The following SIAH3 variants were observed in gnomAD, a reference collection of about 807,000 sequenced individuals.
SIAH3 encodes the protein seven in absentia homolog 3.
Under a neutral mutation model 12.6 loss-of-function variants are expected in SIAH3, and 9 were observed. That is an observed-to-expected ratio of 0.72 (90% confidence interval 0.43 to 1.25). SIAH3 has a LOEUF of 1.25. Among genes scored for constraint, SIAH3 ranks in the 50% most tolerant of loss-of-function variants. The probability of loss-of-function intolerance (pLI) is 0.00; values close to 1 mark genes in which losing one functional copy is unlikely to be tolerated. For synonymous variants in SIAH3, 154 were observed against 151.1 expected, an observed-to-expected ratio of 1.02 and a Z score of -0.14; for missense variants, 390 against 365.4, an observed-to-expected ratio of 1.07 and a Z score of -0.55.
chr13:45,848,751 C>T (rs1270349239), intron 1 of SIAH3, among the ~76,000 whole-genome samples: 2 of 152,176 alleles, frequency 1.3e-5, no homozygotes, highest in African/African-American at 2.4e-5. Flanking sequence ...CTACACGCAA[C>T]CCATAAAATT....
At chr13:45,785,408 G>C (rs1950524675) in intron 1 of SIAH3, among the ~76,000 whole-genome samples, 1 of 152,206 alleles carries the variant, frequency 6.6e-6, no homozygotes, top group African/African-American at 2.4e-5. Context: ...CCAAAGTACA[G>C]AGGGCAGGGG....
intron 1 of SIAH3, among the ~76,000 whole-genome samples, chr13:45,785,111 G>A (rs528663561): frequency 1.3e-5 from 2 of 152,190 alleles, no homozygotes; most frequent in African/African-American, 2.4e-5. Flanking sequence ...TCATCTTCAC[G>A]CCCCCTGACT....
At chr13:45,792,252 G>A (rs906110809) in intron 1 of SIAH3, among the ~76,000 whole-genome samples, 2 of 151,994 alleles carry the variant, frequency 1.3e-5, no homozygotes, top group Non-Finnish European at 2.9e-5. Flanking sequence ...GTGTTAGCTT[G>A]CCTTTGTAAG....
intron 1 of SIAH3, among the ~76,000 whole-genome samples, chr13:45,801,259 G>A (rs1382776944): frequency 6.6e-6 from 1 of 152,220 alleles, no homozygotes; most frequent in Non-Finnish European, 1.5e-5. Context: ...AAAGGTTTGT[G>A]TTGGGGGTGA....
rs1029206643 is a variant in SIAH3 at position 45,777,665 on chromosome 13, G to T, written c.*5718C>A. 16 of 152,282 alleles carry T rather than the reference G, an allele frequency of 1.1e-4. No individual in the cohort carries two copies. The highest frequency in any genetic ancestry group is 3.1e-4 in the African/African-American group (13 of 41,560). 9.4% of individuals were successfully genotyped at this position (152,282 alleles called of 1,614,324 possible). On this transcript the variant is annotated 3_prime_UTR_variant, in exon 2 of 2. Coordinates refer to ENST00000400405, the MANE Select transcript of SIAH3 (RefSeq NM_198849.3). ...AATGGGGAACTCACCAATTCCTGAA[G>T]AAAATCTTATGAACAAAAAAATCTG...
Position 45,783,520 on chromosome 13 carries a change from C to G in SIAH3, c.673G>C (p.Val225Leu), listed in dbSNP as rs373907621. 7 of 1,614,210 alleles carry G rather than the reference C, an allele frequency of 4.3e-6. No individual in the cohort carries two copies. The South Asian group carries it at 7.7e-5, about 18-fold the overall frequency. The stretch of plus-strand genomic sequence containing the variant: ...TCCCCGTCCGTAATCACCGAGTCCA[C>G]GCACTCAAGAACAGACCGGGGCGTG... ...EATPRSVLEC[V>L]DSVITDGDCL... Residue 225 changes from valine (V) to leucine (L), a missense_variant, in exon 2 of 2, where the codon GTG becomes CTG. Transcript: ENST00000400405.
rs144533710 is a variant in SIAH3 at position 45,830,926 on chromosome 13, C to T, written c.135+20569G>A. On this transcript the variant is annotated intron_variant, in intron 1 of 1. Coordinates refer to ENST00000400405, the MANE Select transcript of SIAH3 (RefSeq NM_198849.3). ...GGGCCTGGTAGCTCACACCTGTAATCCCAGCACTTTGGGAGGCTGAGGCAG... is the reference window on the plus strand; with the variant it reads ...GGGCCTGGTAGCTCACACCTGTAATTCCAGCACTTTGGGAGGCTGAGGCAG... Among the ~76,000 whole-genome samples, 243 of 152,254 alleles carry T rather than the reference C, an allele frequency of 1.6e-3. 1 individual carries two copies. The highest frequency in any genetic ancestry group is 5.6e-3 in the African/African-American group (234 of 41,550).
In SIAH3 at chr13:45,796,809, C is replaced by T. The variant is rs553039749; in HGVS notation, c.136-12752G>A. Among the ~76,000 whole-genome samples the T allele has an allele frequency of 2.2e-4, 33 of 152,322 alleles. No individual in the cohort carries two copies. The East Asian group carries it at 4.2e-3, about 20-fold the overall frequency. On this transcript the variant is annotated intron_variant, in intron 1 of 1. Transcript: ENST00000400405. ...GCTCTCCTCACACCGAGCTGAGGGA[C>T]GGAGCAGCCACAGAAAGCTGCTGAC...
intron 1 of SIAH3, among the ~76,000 whole-genome samples, chr13:45,836,001 C>G (rs1950716451): frequency 6.6e-6 from 1 of 152,178 alleles, no homozygotes; most frequent in African/African-American, 2.4e-5. Flanking sequence ...CTACTATGCA[C>G]CCACTATACC....
intron 1 of SIAH3, among the ~76,000 whole-genome samples, chr13:45,789,156 A>T (rs1319559785): frequency 6.6e-6 from 1 of 152,190 alleles, no homozygotes; most frequent in Non-Finnish European, 1.5e-5. Flanking sequence ...CAAGAGAGAA[A>T]ACAACAGTAA....
chr13:45,792,133 C>A (rs1173075487), intron 1 of SIAH3, among the ~76,000 whole-genome samples: 1 of 152,136 alleles, frequency 6.6e-6, no homozygotes, highest in East Asian at 1.9e-4. Flanking sequence ...AGCCCGTGCT[C>A]TTTCTGGGAT....
At chr13:45,851,298 C>T (rs1274874686) in intron 1 of SIAH3, among the ~76,000 whole-genome samples, 197 bp downstream of exon 1, 2 of 152,144 alleles carry the variant, frequency 1.3e-5, no homozygotes, top group African/African-American at 4.8e-5. Flanking sequence ...GGGGAAACAA[C>T]ACTCGGTCAC....
chr13:45,792,360 A>AT lies in SIAH3; in HGVS notation c.136-8304dup, dbSNP rs35546034. On this transcript the variant is annotated intron_variant, in intron 1 of 1. Coordinates refer to ENST00000400405, the MANE Select transcript of SIAH3 (RefSeq NM_198849.3). Reference sequence around the variant, plus strand: ...CATGTGACTCATTATGAAGGTATAAATTTTTTTTTTTTTTGAGATGGAGTT... The same window carrying AT: ...CATGTGACTCATTATGAAGGTATAAATTTTTTTTTTTTTTTGAGATGGAGTT... Among the ~76,000 whole-genome samples the AT allele has an allele frequency of 2.1e-3, 305 of 145,598 alleles. 2 individuals are homozygous for AT. Among genetic ancestry groups the AT allele is most frequent in the East Asian group, 1.8e-3 (9 of 4,986 alleles).
intron 1 of SIAH3, among the ~76,000 whole-genome samples, chr13:45,791,947 G>C (rs113750726): frequency 2.0e-5 from 3 of 152,230 alleles, no homozygotes; most frequent in African/African-American, 7.2e-5. Flanking sequence ...CAATCACCAG[G>C]AGGTAACTTT....
rs368536822 is a variant in SIAH3, at chr13:45,783,796, C to A, written c.397G>T (p.Val133Phe). 87 of 1,614,104 alleles carry A rather than the reference C, an allele frequency of 5.4e-5. No individual in the cohort carries two copies. Among genetic ancestry groups the A allele is most frequent in the Non-Finnish European group, 7.3e-5 (86 of 1,180,052 alleles). The change falls in exon 2 of 2, where the codon GTT becomes TTT. Residue 133 changes from valine to phenylalanine, a missense_variant. Transcript: ENST00000400405. ...VVPHLRQIHR[V>F]DILQGAEIVF... ...ATCTCGGCTCCCTGGAGGATGTCAA[C>A]CCTATGGATCTGCCGCAGGTGGGGC...
intron 1 of SIAH3, among the ~76,000 whole-genome samples, chr13:45,814,278 C>T (rs936658013): frequency 1.3e-5 from 2 of 149,782 alleles, no homozygotes; most frequent in Admixed American, 6.7e-5. Flanking sequence ...CCATAACACT[C>T]ATGCATCTAT....
chr13:45,816,022 C>T (rs1164153906), intron 1 of SIAH3, among the ~76,000 whole-genome samples: 1 of 152,234 alleles, frequency 6.6e-6, no homozygotes, highest in African/African-American at 2.4e-5. Context: ...AGCATCATCA[C>T]CCATTCTAGA....
Position 45,783,367 on chromosome 13 carries a change from T to C in SIAH3, c.*16A>G, listed in dbSNP as rs898647496. On this transcript the variant is annotated 3_prime_UTR_variant, in exon 2 of 2. Transcript: ENST00000400405. ...TCCTAGGGAGGCTGTGTGGGGAGCATCCGTGGCTCCTGGCCTCACATTTCA... is the reference window on the plus strand; with the variant it reads ...TCCTAGGGAGGCTGTGTGGGGAGCACCCGTGGCTCCTGGCCTCACATTTCA... The C allele has an allele frequency of 1.9e-6, 3 of 1,595,984 alleles. No homozygotes were observed. The African/African-American group carries it at 4.0e-5, about 21-fold the overall frequency.
At chr13:45,795,211 G>A (rs1004641157) in intron 1 of SIAH3, among the ~76,000 whole-genome samples, 1 of 152,306 alleles carries the variant, frequency 6.6e-6, no homozygotes, top group Non-Finnish European at 1.5e-5. Flanking sequence ...TATTCCCAGA[G>A]TGGGTACAGA....
Sources: gnomAD v4.1 joint callset for allele counts (sites outside exome capture counted in the v4.1 genomes callset) on GRCh38, gnomAD v4.1.1 for gene constraint, MANE v1.5 for transcripts, NCBI Gene and HGNC (gene_info 2026-07-23, HGNC 2026-07-21) for gene names.